Variants in FCHSD2 observed in about 807,000 individuals in gnomAD.
The protein encoded by FCHSD2 is F-BAR and double SH3 domains protein 2.
A neutral mutation model predicts 108.1 loss-of-function variants in FCHSD2; 38 were observed. That is an observed-to-expected ratio of 0.35 (90% confidence interval 0.27 to 0.46). The LOEUF (loss-of-function observed/expected upper bound fraction) is 0.46. Ranked by LOEUF, FCHSD2 falls within the 20% of genes least tolerant of loss-of-function variation. The pLI is 1.00. For missense variants in FCHSD2, 751 were observed against 897.8 expected (o/e 0.84, Z 2.09); for synonymous variants, 279 against 314.7 (o/e 0.89, Z 1.20).
intron 3 of FCHSD2, among the ~76,000 whole-genome samples, chr11:73,073,078 CAA>C (rs1859471802): frequency 6.6e-6 from 1 of 152,184 alleles, no homozygotes; most frequent in African/African-American, 2.4e-5. Flanking sequence ...AGCATTCTGC[CAA>C]AGACTACAGG....
intron 8 of FCHSD2, among the ~76,000 whole-genome samples, chr11:72,967,891 AC>A (rs1591443201): frequency 6.6e-6 from 1 of 151,932 alleles, no homozygotes; most frequent in East Asian, 1.9e-4. Context: ...GGAGATTGAG[AC>A]CATCCTGGCT....
chr11:72,990,694 G>T (rs954408892), intron 5 of FCHSD2, among the ~76,000 whole-genome samples: 3 of 152,200 alleles, frequency 2.0e-5, no homozygotes, highest in Admixed American at 1.3e-4. Flanking sequence ...GAATCTCTGG[G>T]ACACATTCAA....
chr11:73,102,419 A>ATTTTATTTTG (rs1860245849), intron 2 of FCHSD2, among the ~76,000 whole-genome samples: 2 of 152,252 alleles, frequency 1.3e-5, no homozygotes, highest in Non-Finnish European at 2.9e-5. Context: ...AGAAGGACCC[A>ATTTTATTTTG]TACACAAATG....
At chr11:72,920,385 T>C (rs1221496477) in intron 9 of FCHSD2, among the ~76,000 whole-genome samples, 1 of 152,070 alleles carries the variant, frequency 6.6e-6, no homozygotes, top group African/African-American at 2.4e-5. Context: ...TCCAGGAAAA[T>C]GTAAGTTACC....
intron 3 of FCHSD2, among the ~76,000 whole-genome samples, chr11:73,028,032 T>A (rs1355933066): frequency 5.9e-5 from 9 of 152,230 alleles, no homozygotes; most frequent in Middle Eastern, 3.2e-3. Flanking sequence ...GGCAGAGCCC[T>A]CATGGAGAAC....
chr11:73,000,920 T>C (rs1857613298), intron 5 of FCHSD2, 70 bp downstream of exon 5: 1 of 1,354,758 alleles, frequency 7.4e-7, no homozygotes, highest in Non-Finnish European at 1.0e-6. Flanking sequence ...AAATTTAGCA[T>C]AACCTTGCAG....
chr11:73,041,834 G>C (rs1858647063), intron 3 of FCHSD2, among the ~76,000 whole-genome samples: 1 of 152,104 alleles, frequency 6.6e-6, no homozygotes, highest in African/African-American at 2.4e-5. Context: ...TTTTTGCCTA[G>C]GCCAATGTCC....
chr11:73,078,739 G>C (rs974069695), intron 3 of FCHSD2, among the ~76,000 whole-genome samples: 2 of 152,072 alleles, frequency 1.3e-5, no homozygotes, highest in African/African-American at 4.8e-5. Flanking sequence ...CTTTTTTAGA[G>C]ACAAGGTCTC....
At chr11:72,977,630 C>T (rs1198940553) in intron 8 of FCHSD2, among the ~76,000 whole-genome samples, 1 of 152,224 alleles carries the variant, frequency 6.6e-6, no homozygotes, top group African/African-American at 2.4e-5. Context: ...AGCGAGCACG[C>T]TCTCACACCA....
rs1857249798 is a variant in FCHSD2, at chr11:72,983,272, C to T, written c.705+816G>A. Among the ~76,000 whole-genome samples, 6 of 147,904 alleles carry T rather than the reference C, an allele frequency of 4.1e-5. No homozygotes were observed. In the South Asian group the frequency reaches 1.3e-3, roughly 32 times the overall value. On this transcript the variant is annotated intron_variant, in intron 8 of 19. Coordinates refer to ENST00000409418, the MANE Select transcript of FCHSD2 (RefSeq NM_014824.3). ...TCCCGCCACTGCACTCCAGCCTGGG[C>T]GACAGAGCGAGACTCCGTCTCAAAA...
At chr11:73,091,391 C>A (rs971166548) in intron 2 of FCHSD2, among the ~76,000 whole-genome samples, 2 of 150,092 alleles carry the variant, frequency 1.3e-5, no homozygotes, top group African/African-American at 4.9e-5. Context: ...ATACAAACAA[C>A]AAAAAAAATT....
chr11:72,917,484 C>T (rs1278196838), intron 9 of FCHSD2, among the ~76,000 whole-genome samples: 3 of 152,214 alleles, frequency 2.0e-5, no homozygotes, highest in African/African-American at 7.2e-5. Flanking sequence ...ATCTTTACTA[C>T]TGTAACTTTA....
At chr11:72,857,490 G>A (rs1327633669) in intron 13 of FCHSD2, among the ~76,000 whole-genome samples, 3 of 148,748 alleles carry the variant, frequency 2.0e-5, no homozygotes, top group African/African-American at 7.5e-5. Context: ...CCAGGCTGGA[G>A]TGCAATGGTG....
At chr11:72,858,982 T>C (rs926001520) in intron 13 of FCHSD2, among the ~76,000 whole-genome samples, 1 of 152,156 alleles carries the variant, frequency 6.6e-6, no homozygotes, top group African/African-American at 2.4e-5. Context: ...TACAACATAC[T>C]GTATGAAGAA....
At chr11:72,959,347 A>T (rs1406095093) in intron 8 of FCHSD2, among the ~76,000 whole-genome samples, 1 of 142,282 alleles carries the variant, frequency 7.0e-6, no homozygotes, top group South Asian at 2.2e-4. Context: ...TTCCTGCCTC[A>T]GTCTCCCGAG....
At chr11:73,090,991 G>A (rs1354834220) in intron 2 of FCHSD2, among the ~76,000 whole-genome samples, 1 of 151,818 alleles carries the variant, frequency 6.6e-6, no homozygotes, top group Non-Finnish European at 1.5e-5. Context: ...TGCCTATTCT[G>A]GATATTTCAT....
At chr11:72,991,949 T>G (rs1857423621) in intron 5 of FCHSD2, among the ~76,000 whole-genome samples, 1 of 152,112 alleles carries the variant, frequency 6.6e-6, no homozygotes. Context: ...GGTATTCAAT[T>G]AGGAAAAGAG....
At chr11:72,932,795 T>A (rs1194274559) in intron 8 of FCHSD2, among the ~76,000 whole-genome samples, 2 of 152,192 alleles carry the variant, frequency 1.3e-5, no homozygotes, top group Non-Finnish European at 2.9e-5. Flanking sequence ...TACCATTCCA[T>A]CTTCTGTGTT....
Position 72,842,616 on chromosome 11 carries a change from G to A in FCHSD2, c.1926+5C>T. On this transcript the variant is annotated splice_donor_5th_base_variant and intron_variant, in intron 17 of 19. Transcript: ENST00000409418. ...TTTAATTCAACTGTCTCCCCTCTCA[G>A]GTACCTGAATCTCTCTCATCCATGG... 6.2e-7 allele frequency: 1 copy of A among 1,613,936 alleles called. No individual in the cohort carries two copies. The highest frequency in any genetic ancestry group is 1.1e-5 in the South Asian group (1 of 91,080).
Sources: allele counts gnomAD v4.1 joint callset (sites outside exome capture counted in the v4.1 genomes callset), GRCh38; gene constraint gnomAD v4.1.1; transcripts MANE v1.5; gene names NCBI Gene and HGNC (gene_info 2026-07-23, HGNC 2026-07-21).